The following GRM7 variants were observed in gnomAD, a reference collection of about 807,000 sequenced individuals.
GRM7 encodes metabotropic glutamate receptor 7.
A neutral mutation model predicts 84.5 loss-of-function variants in GRM7; 35 were observed. The ratio of observed to expected loss-of-function variants is 0.41; its 90% CI spans 0.32 to 0.55. GRM7 has a LOEUF of 0.55. GRM7 is among the 20% of genes least tolerant of loss of function. GRM7 has a pLI of 0.19. For missense variants in GRM7, 1,003 were observed against 1,194.6 expected (o/e 0.84, Z 2.36); for synonymous variants, 487 against 455.1 (o/e 1.07, Z -0.89).
chr3:7,189,447 A>C (rs1426715899), intron 2 of GRM7, among the ~76,000 whole-genome samples: 1 of 152,204 alleles, frequency 6.6e-6, no homozygotes, highest in Non-Finnish European at 1.5e-5. Flanking sequence ...AATGAAGATT[A>C]ATGCTGTAAA....
At chr3:7,360,834 T>C (rs950113720) in intron 4 of GRM7, among the ~76,000 whole-genome samples, 1 of 152,066 alleles carries the variant, frequency 6.6e-6, no homozygotes, top group African/African-American at 2.4e-5. Context: ...TCCCCACAAG[T>C]TTGATCTTCT....
chr3:6,996,269 C>G (rs76904369), intron 1 of GRM7, among the ~76,000 whole-genome samples: 1 of 152,024 alleles, frequency 6.6e-6, no homozygotes, highest in African/African-American at 2.4e-5. Flanking sequence ...AGGATGATCT[C>G]GAGGCAGAGA....
At chr3:7,647,387 A>G (rs752148617) in intron 8 of GRM7, among the ~76,000 whole-genome samples, 2 of 152,176 alleles carry the variant, frequency 1.3e-5, no homozygotes, top group Non-Finnish European at 2.9e-5. Context: ...ACCTTGACCA[A>G]CTAACTCAAC....
intron 7 of GRM7, among the ~76,000 whole-genome samples, chr3:7,558,907 A>G (rs935806473): frequency 6.6e-6 from 1 of 152,166 alleles, no homozygotes; most frequent in African/African-American, 2.4e-5. Flanking sequence ...AAATATGGCC[A>G]TTGAAATCTG....
At chr3:6,906,352 G>A (rs1004051240) in intron 1 of GRM7, among the ~76,000 whole-genome samples, 7 of 152,096 alleles carry the variant, frequency 4.6e-5, no homozygotes, top group Non-Finnish European at 1.0e-4. Flanking sequence ...CCAGGGATGA[G>A]GTTGCAGGAG....
Position 7,557,399 on chromosome 3 carries a change from G to A in GRM7, c.1516-21023G>A, listed in dbSNP as rs549922830. 2.0e-5 allele frequency among the ~76,000 whole-genome samples: 3 copies of A among 152,262 alleles called. No homozygotes were observed. In the South Asian group the frequency reaches 6.2e-4, roughly 32 times the overall value. On this transcript the variant is annotated intron_variant, in intron 7 of 9. Transcript: ENST00000357716. The stretch of plus-strand genomic sequence containing the variant: ...GGAAGAAACATCATGATGTAGTTTT[G>A]CAGTTTGAATATATTTTGAAATTAA...
chr3:7,116,881 C>T (rs1693053025), intron 1 of GRM7, among the ~76,000 whole-genome samples: 1 of 152,182 alleles, frequency 6.6e-6, no homozygotes, highest in Admixed American at 6.6e-5. Flanking sequence ...GTTTCAATTG[C>T]TATAGATTGA....
intron 9 of GRM7, among the ~76,000 whole-genome samples, chr3:7,722,553 C>T (rs1178605542): frequency 2.0e-5 from 3 of 150,280 alleles, no homozygotes; most frequent in African/African-American, 7.4e-5. Flanking sequence ...AGAGATTGTT[C>T]TGCCTTAGAC....
At chr3:6,910,324 TA>T (rs2125016199) in intron 1 of GRM7, among the ~76,000 whole-genome samples, 1 of 152,286 alleles carries the variant, frequency 6.6e-6, no homozygotes, top group East Asian at 1.9e-4. Context: ...AATAAATGTT[TA>T]TTTCACATGG....
At chr3:7,500,476 A>C (rs1699849770) in intron 7 of GRM7, among the ~76,000 whole-genome samples, 1 of 152,228 alleles carries the variant, frequency 6.6e-6, no homozygotes, top group South Asian at 2.1e-4. Context: ...CTTGGTCTGC[A>C]GGAAAAGATC....
chr3:7,687,320 T>G (rs991059675), intron 9 of GRM7, among the ~76,000 whole-genome samples: 1 of 152,200 alleles, frequency 6.6e-6, no homozygotes, highest in African/African-American at 2.4e-5. Flanking sequence ...TTATATTGCT[T>G]TAGGCTCTCA....
chr3:7,486,229 C>T lies in GRM7; in HGVS notation c.1515+24507C>T, dbSNP rs1455414156. On this transcript the variant is annotated intron_variant, in intron 7 of 9. Coordinates refer to ENST00000357716, the MANE Select transcript of GRM7 (RefSeq NM_000844.4). This position sits in a 1 kb window ranked among gnomAD's most constrained non-coding sequence, Gnocchi z 5.5. ...CATAATTTTTTGGTTCCTTCTATTTCCCCTTGTTTTATTTGTATTTAAGTG... is the reference window on the plus strand; with the variant it reads ...CATAATTTTTTGGTTCCTTCTATTTTCCCTTGTTTTATTTGTATTTAAGTG... Among the ~76,000 whole-genome samples, 1 of 152,014 alleles carries T rather than the reference C, an allele frequency of 6.6e-6. No homozygotes were observed. Among genetic ancestry groups the T allele is most frequent in the African/African-American group, 2.4e-5 (1 of 41,378 alleles).
chr3:6,982,165 G>A (rs1449195640), intron 1 of GRM7, among the ~76,000 whole-genome samples: 3 of 152,262 alleles, frequency 2.0e-5, no homozygotes, highest in Admixed American at 6.5e-5. Flanking sequence ...TTCAGCTGGA[G>A]GTCATTGTCC....
At chr3:6,983,587 G>C (rs546353040) in intron 1 of GRM7, among the ~76,000 whole-genome samples, 1 of 152,160 alleles carries the variant, frequency 6.6e-6, no homozygotes, top group South Asian at 2.1e-4. Context: ...ATGAACTCAA[G>C]GTTAATTAAG....
intron 1 of GRM7, among the ~76,000 whole-genome samples, chr3:7,086,280 A>G (rs1472951077): frequency 6.6e-6 from 1 of 152,142 alleles, no homozygotes; most frequent in Non-Finnish European, 1.5e-5. Context: ...ATAAATTAAT[A>G]TGCATGAGGG....
chr3:6,916,836 C>T (rs17046355), intron 1 of GRM7, among the ~76,000 whole-genome samples: 371 of 152,142 alleles, frequency 2.4e-3, no homozygotes, highest in African/African-American at 8.5e-3. Context: ...TGTGTCTATA[C>T]TATTCTCAAT....
intron 2 of GRM7, among the ~76,000 whole-genome samples, chr3:7,287,338 G>T (rs1385742413): frequency 1.3e-5 from 2 of 152,132 alleles, no homozygotes; most frequent in African/African-American, 4.8e-5. Context: ...TCAAGAGAAG[G>T]CCAGTAAATT....
chr3:6,935,457 G>T (rs1317703543), intron 1 of GRM7, among the ~76,000 whole-genome samples: 2 of 151,444 alleles, frequency 1.3e-5, no homozygotes, highest in Admixed American at 6.6e-5. Context: ...CACCCTAAGA[G>T]AAACATTGAT....
At chr3:7,406,195 T>C (rs1695667955) in intron 4 of GRM7, among the ~76,000 whole-genome samples, 1 of 152,030 alleles carries the variant, frequency 6.6e-6, no homozygotes, top group South Asian at 2.1e-4. Flanking sequence ...TTATCTTTAA[T>C]AACTACTTTT....
Sources: gnomAD v4.1 joint callset for allele counts (sites outside exome capture counted in the v4.1 genomes callset) on GRCh38, gnomAD v4.1.1 for gene constraint, Gnocchi (gnomAD v3.1) non-coding constraint, MANE v1.5 for transcripts, NCBI Gene and HGNC (gene_info 2026-07-23, HGNC 2026-07-21) for gene names.